The following MLLT3 variants were observed in gnomAD, a reference collection of about 807,000 sequenced individuals.
MLLT3 encodes the protein protein AF-9.
In MLLT3, 4 loss-of-function variants were observed where a neutral mutation model predicts 53.2. That is an observed-to-expected ratio of 0.08 (90% confidence interval 0.04 to 0.17). The LOEUF is 0.17. MLLT3 is among the 10% of genes least tolerant of loss of function. The pLI is 1.00. For missense variants in MLLT3, 569 were observed against 684.0 expected, an observed-to-expected ratio of 0.83 and a Z score of 1.87; for synonymous variants, 283 against 230.6, an observed-to-expected ratio of 1.23 and a Z score of -2.06.
chr9:20,441,143 G>A (rs1009680914), intron 4 of MLLT3, among the ~76,000 whole-genome samples: 1 of 152,102 alleles, frequency 6.6e-6, no homozygotes, highest in Non-Finnish European at 1.5e-5. Flanking sequence ...TCAGCAGAGT[G>A]GAAAGTTTGC....
At chr9:20,550,317 T>C (rs1430120101) in intron 2 of MLLT3, among the ~76,000 whole-genome samples, 1 of 152,234 alleles carries the variant, frequency 6.6e-6, no homozygotes, top group Non-Finnish European at 1.5e-5. Flanking sequence ...CCTTCCTTCA[T>C]CAGAGATGTG....
intron 2 of MLLT3, among the ~76,000 whole-genome samples, chr9:20,461,434 G>C (rs1452176738): frequency 6.6e-6 from 1 of 152,072 alleles, no homozygotes. Context: ...TTAGAAATAA[G>C]TCAAACCCTT....
At position 20,413,991 on chromosome 9, in the gene MLLT3, C is replaced by A; in HGVS notation, c.855G>T (p.Pro285=). Residue 285 remains proline, a synonymous_variant, in exon 5 of 11, where the codon CCG becomes CCT. Transcript: ENST00000380338. ...GQDKKAPSKR[P]PISDSEELSA... The stretch of plus-strand genomic sequence containing the variant: ...AGAGTTCTTCAGAATCTGAAATGGG[C>A]GGCCTTTTACTAGGAGCCTTCTTAT... 6.2e-7 allele frequency: 1 copy of A among 1,614,098 alleles called. No homozygotes were observed. Among genetic ancestry groups the A allele is most frequent in the Non-Finnish European group, 8.5e-7 (1 of 1,180,008 alleles).
At chr9:20,513,003 G>A (rs890310819) in intron 2 of MLLT3, among the ~76,000 whole-genome samples, 1 of 152,260 alleles carries the variant, frequency 6.6e-6, no homozygotes, top group Admixed American at 6.5e-5. Context: ...ATTAAGAACT[G>A]TAAGTGAGGC....
At chr9:20,483,158 C>T (rs181332783) in intron 2 of MLLT3, among the ~76,000 whole-genome samples, 108 of 152,252 alleles carry the variant, frequency 7.1e-4, no homozygotes, top group Middle Eastern at 3.4e-3. Flanking sequence ...ACCCAGTAAT[C>T]CATATTAACG....
At chr9:20,453,514 G>C (rs561475858) in intron 3 of MLLT3, among the ~76,000 whole-genome samples, 25 of 152,250 alleles carry the variant, frequency 1.6e-4, no homozygotes, top group Non-Finnish European at 3.1e-4. Context: ...AGTGAGCTGA[G>C]ACTGCGCCAC....
intron 5 of MLLT3, among the ~76,000 whole-genome samples, chr9:20,371,821 G>A (rs547578043): frequency 6.6e-6 from 1 of 152,304 alleles, no homozygotes; most frequent in East Asian, 1.9e-4. Flanking sequence ...CATTTTGTAA[G>A]GCTATAGGTG....
At chr9:20,515,856 C>G (rs1299643143) in intron 2 of MLLT3, among the ~76,000 whole-genome samples, 3 of 152,094 alleles carry the variant, frequency 2.0e-5, no homozygotes, top group Non-Finnish European at 4.4e-5. Context: ...GCACAGACCG[C>G]CTGATGTAAG....
chr9:20,353,480 G>C, intron 10 of MLLT3, 45 bp downstream of exon 10: 1 of 1,550,912 alleles, frequency 6.4e-7, no homozygotes, highest in Non-Finnish European at 8.9e-7. Flanking sequence ...GACAAACCAA[G>C]TCTTGAAGTT....
intron 2 of MLLT3, among the ~76,000 whole-genome samples, chr9:20,556,480 C>T (rs556592891): frequency 1.3e-5 from 2 of 152,054 alleles, no homozygotes; most frequent in African/African-American, 2.4e-5. Context: ...GTAAGGAGTT[C>T]GAGACCAGCC....
chr9:20,500,157 CAG>C (rs1452411029), intron 2 of MLLT3, among the ~76,000 whole-genome samples: 1 of 152,192 alleles, frequency 6.6e-6, no homozygotes, highest in Non-Finnish European at 1.5e-5. Flanking sequence ...GGTTCTAGCT[CAG>C]AGTTTCTCAT....
chr9:20,563,888 A>T lies in MLLT3; in HGVS notation c.193+56766T>A, dbSNP rs992319627. Among the ~76,000 whole-genome samples, 3 of 152,210 alleles carry T rather than the reference A, an allele frequency of 2.0e-5. No homozygotes were observed. The East Asian group carries it at 5.8e-4, about 29-fold the overall frequency. Reference sequence around the variant, plus strand: ...GAAAAAGAATCAGCCACAAGTTTTCATTATCCAACTTAGGATATAACAAAA... The same window carrying T: ...GAAAAAGAATCAGCCACAAGTTTTCTTTATCCAACTTAGGATATAACAAAA... On this transcript the variant is annotated intron_variant, in intron 2 of 10. Coordinates refer to ENST00000380338, the MANE Select transcript of MLLT3 (RefSeq NM_004529.4).
chr9:20,577,892 G>A (rs796300810), intron 2 of MLLT3, among the ~76,000 whole-genome samples: 14 of 152,248 alleles, frequency 9.2e-5, no homozygotes, highest in African/African-American at 3.4e-4. Context: ...TTTCCTGGCT[G>A]GCCAGTTCTA....
intron 4 of MLLT3, among the ~76,000 whole-genome samples, chr9:20,438,036 A>G (rs1212563031): frequency 6.6e-6 from 1 of 152,192 alleles, no homozygotes; most frequent in Non-Finnish European, 1.5e-5. Context: ...ACCTTTATAG[A>G]TATCTATGAA....
At chr9:20,507,554 G>A (rs1200173103) in intron 2 of MLLT3, among the ~76,000 whole-genome samples, 1 of 151,960 alleles carries the variant, frequency 6.6e-6, no homozygotes, top group East Asian at 1.9e-4. Context: ...CAAATCTTTG[G>A]TCTAACAAAG....
At chr9:20,597,758 A>T (rs1820314094) in intron 2 of MLLT3, among the ~76,000 whole-genome samples, 1 of 152,254 alleles carries the variant, frequency 6.6e-6, no homozygotes, top group African/African-American at 2.4e-5. Context: ...GAGAAACAAA[A>T]AGAAATGGAA....
intron 2 of MLLT3, among the ~76,000 whole-genome samples, chr9:20,467,654 A>G (rs1049087566): frequency 6.6e-6 from 1 of 152,248 alleles, no homozygotes; most frequent in Admixed American, 6.5e-5. Flanking sequence ...AAAAATCGCT[A>G]TTTTGAGAAT....
At chr9:20,498,514 T>C (rs898763710) in intron 2 of MLLT3, among the ~76,000 whole-genome samples, 4 of 152,234 alleles carry the variant, frequency 2.6e-5, no homozygotes, top group African/African-American at 9.6e-5. Context: ...GTTATTCATA[T>C]AATCTAGATC....
Position 20,342,642 on chromosome 9 carries a change from T to C in MLLT3, c.*3801A>G, listed in dbSNP as rs946120976. The stretch of plus-strand genomic sequence containing the variant: ...CATCTTTACAAGGAATATTCAGGGA[T>C]GGCAGTGCCTACATAATAAAAAGCA... On this transcript the variant is annotated 3_prime_UTR_variant, in exon 11 of 11. Transcript: ENST00000380338. 4 of 215,138 alleles carry C rather than the reference T, an allele frequency of 1.9e-5. No homozygotes were observed. The highest frequency in any genetic ancestry group is 3.7e-5 in the Non-Finnish European group (4 of 106,998). 13.3% of individuals were successfully genotyped at this position (215,138 alleles called of 1,614,324 possible). A position where few individuals can be genotyped will look rare whatever the true frequency, so the allele number is the denominator to read the frequency against.
Sources: allele counts gnomAD v4.1 joint callset (sites outside exome capture counted in the v4.1 genomes callset), GRCh38; gene constraint gnomAD v4.1.1; transcripts MANE v1.5; gene names NCBI Gene and HGNC (gene_info 2026-07-23, HGNC 2026-07-21).